Variants in ZFHX3 observed in about 807,000 individuals in gnomAD.
ZFHX3 encodes the protein zinc finger homeobox 3, also known as zinc finger homeobox protein 3.
Under a neutral mutation model 279.1 loss-of-function variants are expected in ZFHX3, and 42 were observed. The observed-to-expected ratio is 0.15, with a 90% CI of 0.12 to 0.19. The LOEUF is 0.19. Ranked by LOEUF, ZFHX3 falls within the 10% of genes least tolerant of loss-of-function variation. The probability of loss-of-function intolerance (pLI) is 1.00; values close to 1 mark genes in which losing one functional copy is unlikely to be tolerated. For missense variants in ZFHX3, 4,981 were observed against 4,754.0 expected (o/e 1.05, Z -1.40); for synonymous variants, 2,293 against 1,957.8 (o/e 1.17, Z -4.52).
chr16:73,849,277 C>G (rs1961533483), intron 1 of ZFHX3, among the ~76,000 whole-genome samples: 1 of 152,208 alleles, frequency 6.6e-6, no homozygotes, highest in Non-Finnish European at 1.5e-5. Context: ...CTCACAAGAC[C>G]TGTAGTCATG....
Position 72,796,911 on chromosome 16 carries a change from C to A in ZFHX3, c.5771G>T (p.Gly1924Val). 1 of 1,613,896 alleles carries A rather than the reference C, an allele frequency of 6.2e-7. No homozygotes were observed. The highest frequency in any genetic ancestry group is 1.1e-5 in the South Asian group (1 of 91,074). The change falls in exon 9 of 10, where the codon GGG becomes GTG. Residue 1924 changes from glycine to valine, a missense_variant. Around this residue, in one of 7 missense-constraint regions of ZFHX3, gnomAD observed 1,751 missense variants for 1,770.0 expected, o/e 0.99. Coordinates refer to ENST00000268489, the MANE Select transcript of ZFHX3 (RefSeq NM_006885.4). ...KAKEKKELAP[G>V]GGSEPSMLPP... ...GAGCATGGAAGGCTCAGAACCACCC[C>A]CTGGTGCCAACTCTTTCTTCTCTTT...
chr16:73,785,601 C>T (rs1959617823), intron 1 of ZFHX3, among the ~76,000 whole-genome samples: 1 of 152,048 alleles, frequency 6.6e-6, no homozygotes. Context: ...TTTTAGGTTT[C>T]CATCTTTATC....
intron 3 of ZFHX3, among the ~76,000 whole-genome samples, chr16:73,373,174 C>T (rs931633614): frequency 1.3e-5 from 2 of 151,928 alleles, no homozygotes; most frequent in Admixed American, 1.3e-4. Flanking sequence ...TCTCCAGATC[C>T]ATTTTCTTTA....
intron 3 of ZFHX3, among the ~76,000 whole-genome samples, chr16:73,416,678 C>G: frequency 6.6e-6 from 1 of 152,024 alleles, no homozygotes; most frequent in Non-Finnish European, 1.5e-5. Context: ...TCGAGACCAT[C>G]CTGGCTAACA....
chr16:73,685,651 T>C (rs1238897883), intron 1 of ZFHX3, among the ~76,000 whole-genome samples: 1 of 152,204 alleles, frequency 6.6e-6, no homozygotes, highest in Non-Finnish European at 1.5e-5. Context: ...ATCTATTATA[T>C]CAGTTCATAA....
chr16:73,246,663 T>C (rs2013289667), intron 5 of ZFHX3, among the ~76,000 whole-genome samples: 3 of 152,252 alleles, frequency 2.0e-5, no homozygotes, highest in Admixed American at 2.0e-4. Flanking sequence ...AATGTCCTTC[T>C]AAATGCTCGT....
At chr16:72,943,754 G>A (rs368839280) in intron 3 of ZFHX3, among the ~76,000 whole-genome samples, 1 of 152,158 alleles carries the variant, frequency 6.6e-6, no homozygotes, top group Non-Finnish European at 1.5e-5. Context: ...GGGAAGTGCT[G>A]CATCTACTGG....
At chr16:73,384,402 G>T (rs974143321) in intron 3 of ZFHX3, among the ~76,000 whole-genome samples, 56 of 152,352 alleles carry the variant, frequency 3.7e-4, no homozygotes, top group Non-Finnish European at 7.1e-4. Flanking sequence ...GGTCTGAGGT[G>T]AGGTCAAGGA....
At chr16:73,671,318 G>A (rs2052901576) in intron 2 of ZFHX3, among the ~76,000 whole-genome samples, 1 of 152,198 alleles carries the variant, frequency 6.6e-6, no homozygotes, top group South Asian at 2.1e-4. Context: ...AACGGAAACA[G>A]GGAGGAAAGC....
Position 73,707,878 on chromosome 16 carries a change from G to A in ZFHX3, c.-1607-27638C>T, listed in dbSNP as rs905920946. ...GGATTAATTCTTGGGAGACGGAGGA[G>A]CGGGGAGGAAGGAACTGAGAGCTTG... On this transcript the variant is annotated intron_variant, in intron 1 of 17. Transcript: ENST00000641206. Among the ~76,000 whole-genome samples the A allele has an allele frequency of 3.9e-5, 6 of 152,284 alleles. No individual in the cohort carries two copies. In the South Asian group the frequency reaches 1.2e-3, roughly 32 times the overall value.
At chr16:73,282,719 C>A (rs981457813) in intron 4 of ZFHX3, among the ~76,000 whole-genome samples, 3 of 152,126 alleles carry the variant, frequency 2.0e-5, no homozygotes, top group Admixed American at 2.0e-4. Flanking sequence ...TCTTCTTTAA[C>A]TTTGCAGTCT....
At chr16:73,044,896 C>T (rs1334229945) in intron 1 of ZFHX3, among the ~76,000 whole-genome samples, 1 of 152,174 alleles carries the variant, frequency 6.6e-6, no homozygotes, top group Non-Finnish European at 1.5e-5. Flanking sequence ...GCTGGGATTA[C>T]AGGCATGAGC....
chr16:73,754,337 A>T (rs1010641623), intron 1 of ZFHX3, among the ~76,000 whole-genome samples: 2 of 152,124 alleles, frequency 1.3e-5, no homozygotes, highest in Non-Finnish European at 2.9e-5. Context: ...AAGGCAAAGG[A>T]GGGTGACACA....
At chr16:73,805,131 T>C in intron 1 of ZFHX3, among the ~76,000 whole-genome samples, 1 of 152,158 alleles carries the variant, frequency 6.6e-6, no homozygotes, top group East Asian at 1.9e-4. Context: ...AACTTTTTCA[T>C]AAGTACCTCT....
chr16:72,854,118 A>G (rs1268284642), intron 4 of ZFHX3, among the ~76,000 whole-genome samples: 1 of 152,234 alleles, frequency 6.6e-6, no homozygotes, highest in East Asian at 1.9e-4. Context: ...GAAGTAAGCG[A>G]AGCAATTAAG....
At chr16:73,469,809 G>A (rs189084853) in intron 2 of ZFHX3, among the ~76,000 whole-genome samples, 1 of 152,136 alleles carries the variant, frequency 6.6e-6, no homozygotes, top group Non-Finnish European at 1.5e-5. Context: ...GTAGAGATGG[G>A]GTTTCACCAT....
At chr16:73,333,401 C>T (rs1032899033) in intron 3 of ZFHX3, among the ~76,000 whole-genome samples, 1 of 151,956 alleles carries the variant, frequency 6.6e-6, no homozygotes, top group Non-Finnish European at 1.5e-5. Context: ...TACATAGACA[C>T]ACAGAAAGAT....
chr16:72,863,167 A>G (rs1014138210), intron 4 of ZFHX3, among the ~76,000 whole-genome samples: 1 of 152,010 alleles, frequency 6.6e-6, no homozygotes, highest in East Asian at 1.9e-4. Flanking sequence ...CCATGAATTT[A>G]TAATTTTTAG....
intron 8 of ZFHX3, among the ~76,000 whole-genome samples, chr16:73,072,933 T>A (rs1394714101): frequency 6.6e-6 from 1 of 152,032 alleles, no homozygotes; most frequent in Admixed American, 6.6e-5. Flanking sequence ...AGTCTCACTC[T>A]GTGCCCAGAC....
Sources: allele counts gnomAD v4.1 joint callset (sites outside exome capture counted in the v4.1 genomes callset), GRCh38; gene constraint gnomAD v4.1.1; regional missense constraint gnomAD v4.1.1; transcripts MANE v1.5; gene names NCBI Gene and HGNC (gene_info 2026-07-23, HGNC 2026-07-21).